The following CLTA variants were observed in gnomAD, a reference collection of about 807,000 sequenced individuals.
The protein encoded by CLTA is clathrin, light polypeptide (Lca).
Under a neutral mutation model 26.9 loss-of-function variants are expected in CLTA, and 9 were observed. The observed-to-expected ratio is 0.33, with a 90% CI of 0.20 to 0.58. The LOEUF (loss-of-function observed/expected upper bound fraction) is 0.58. Among genes scored for constraint, CLTA ranks in the 20% least tolerant of loss-of-function variants. The pLI is 0.85. For missense variants in CLTA, 278 were observed against 294.2 expected (o/e 0.94, Z 0.40); for synonymous variants, 120 against 115.5 (o/e 1.04, Z -0.25).
At chr9:36,202,216 C>T (rs1321205478) in intron 3 of CLTA, among the ~76,000 whole-genome samples, 1 of 152,188 alleles carries the variant, frequency 6.6e-6, no homozygotes, top group African/African-American at 2.4e-5. Context: ...AAATTAGATA[C>T]CGAGATGAAC....
Position 36,198,687 on chromosome 9 carries a change from C to G in CLTA, c.256-292C>G, listed in dbSNP as rs543723328. Among the ~76,000 whole-genome samples, 504 of 148,266 alleles carry G rather than the reference C, an allele frequency of 3.4e-3. 4 individuals are homozygous for G. Among genetic ancestry groups the G allele is most frequent in the African/African-American group, 0.012 (465 of 40,172 alleles). ...CAGAGTAAGACCCTGTCCCGTCCCC[C>G]CTTCCCCCACCCCAGAAAAAAAAAA... is the stretch of plus-strand genomic sequence containing the variant. On this transcript the variant is annotated intron_variant, in intron 2 of 4. Transcript: ENST00000345519.
chr9:36,205,911 C>T (rs1827696427), intron 4 of CLTA, among the ~76,000 whole-genome samples: 2 of 152,000 alleles, frequency 1.3e-5, no homozygotes, highest in Admixed American at 6.6e-5. Context: ...AGGTGCCCGC[C>T]ACCATGCCCA....
intron 4 of CLTA, chr9:36,209,440 G>A (rs367619891): frequency 9.0e-6 from 7 of 776,834 alleles, no homozygotes; most frequent in South Asian, 1.6e-5. Context: ...TTGGCACTTT[G>A]GGGGCTGCCT....
chr9:36,192,723 C>T (rs371203639), intron 1 of CLTA, among the ~76,000 whole-genome samples: 1 of 152,148 alleles, frequency 6.6e-6, no homozygotes, highest in East Asian at 1.9e-4. Context: ...AAACGACTTG[C>T]TTAAAAAAGC....
chr9:36,200,373 A>G (rs1827335947), intron 3 of CLTA, among the ~76,000 whole-genome samples: 1 of 152,214 alleles, frequency 6.6e-6, no homozygotes, highest in Non-Finnish European at 1.5e-5. Context: ...CTACTTTAAG[A>G]TAAAGACATC....
intron 4 of CLTA, among the ~76,000 whole-genome samples, chr9:36,209,962 A>G (rs1286989669): frequency 6.6e-6 from 1 of 152,238 alleles, no homozygotes; most frequent in African/African-American, 2.4e-5. Flanking sequence ...GTCTCCTAGC[A>G]CAGGGAAGCC....
At chr9:36,203,226 T>C (rs1269792370) in intron 3 of CLTA, among the ~76,000 whole-genome samples, 1 of 152,206 alleles carries the variant, frequency 6.6e-6, no homozygotes, top group East Asian at 1.9e-4. Context: ...AGAAACTTCA[T>C]GTTTCATGTT....
intron 4 of CLTA, among the ~76,000 whole-genome samples, chr9:36,206,034 A>G (rs1183814841): frequency 2.6e-5 from 4 of 152,100 alleles, no homozygotes; most frequent in African/African-American, 9.7e-5. Flanking sequence ...TGCTGGGATT[A>G]CAGGCGTGAG....
upstream of CLTA, chr9:36,190,910 G>A (rs879360698): frequency 6.5e-5 from 88 of 1,359,050 alleles, no homozygotes; most frequent in Admixed American, 2.9e-4. Context: ...CCGGATACAC[G>A]GGTAGGGCTT....
At chr9:36,195,790 A>T (rs755391193) in intron 1 of CLTA, among the ~76,000 whole-genome samples, 42 of 151,872 alleles carry the variant, frequency 2.8e-4, no homozygotes, top group Non-Finnish European at 5.1e-4. Flanking sequence ...AACATAGTGA[A>T]ACCTCGTCTC....
In CLTA at chr9:36,198,789, C is replaced by T. The variant is rs187910917; in HGVS notation, c.256-190C>T. 4.6e-3 allele frequency among the ~76,000 whole-genome samples: 682 copies of T among 147,432 alleles called. 1 individual carries two copies. The highest frequency in any genetic ancestry group is 7.3e-3 in the Non-Finnish European group (493 of 67,262). On this transcript the variant is annotated intron_variant, in intron 2 of 4. Transcript: ENST00000345519. ...TCGGGAGGCTGAGGCAGGAGAATTGCTTGAACCCGGGAGGTGGAGGTTGCA... is the reference window on the plus strand; with the variant it reads ...TCGGGAGGCTGAGGCAGGAGAATTGTTTGAACCCGGGAGGTGGAGGTTGCA...
chr9:36,210,258 C>T (rs1446330971), intron 4 of CLTA, among the ~76,000 whole-genome samples: 1 of 152,070 alleles, frequency 6.6e-6, no homozygotes, highest in African/African-American at 2.4e-5. Flanking sequence ...GGAAGGTGGG[C>T]GATGAGCTCA....
intron 3 of CLTA, among the ~76,000 whole-genome samples, chr9:36,201,823 C>A (rs1343611382): frequency 2.0e-5 from 3 of 152,108 alleles, no homozygotes; most frequent in African/African-American, 7.2e-5. Flanking sequence ...TAGATGTTTA[C>A]TGTAGAGGCT....
At chr9:36,195,916 C>G (rs373749632) in intron 1 of CLTA, among the ~76,000 whole-genome samples, 1 of 151,946 alleles carries the variant, frequency 6.6e-6, no homozygotes, top group Non-Finnish European at 1.5e-5. Context: ...TGCAGCAAGC[C>G]GAGATCGCGC....
chr9:36,206,424 G>A (rs752903650), intron 4 of CLTA, among the ~76,000 whole-genome samples: 3 of 151,858 alleles, frequency 2.0e-5, no homozygotes, highest in Admixed American at 2.0e-4. Context: ...TCACTTTGGG[G>A]GACTTCTTCC....
At chr9:36,207,269 A>G (rs1216192707) in intron 4 of CLTA, among the ~76,000 whole-genome samples, 2 of 152,230 alleles carry the variant, frequency 1.3e-5, no homozygotes, top group Non-Finnish European at 2.9e-5. Flanking sequence ...ACAGCCATGG[A>G]AAAGAATTTC....
intron 4 of CLTA, among the ~76,000 whole-genome samples, chr9:36,207,095 G>A (rs1827768450): frequency 6.6e-6 from 1 of 152,144 alleles, no homozygotes; most frequent in Admixed American, 6.6e-5. Flanking sequence ...CCTTCCAGCT[G>A]CCTCACCACT....
At chr9:36,198,487 G>C (rs948950501) in intron 2 of CLTA, among the ~76,000 whole-genome samples, 1 of 148,778 alleles carries the variant, frequency 6.7e-6, no homozygotes, top group Non-Finnish European at 1.5e-5. Context: ...GACCAGCCTG[G>C]CCAACACAGT....
intron 4 of CLTA, chr9:36,210,701 A>T: frequency 6.2e-7 from 1 of 1,612,956 alleles, no homozygotes; most frequent in African/African-American, 1.3e-5. Flanking sequence ...TGTGTGTGCC[A>T]TGAAGTCGCA....
Sources: gnomAD v4.1 joint callset for allele counts (sites outside exome capture counted in the v4.1 genomes callset) on GRCh38, gnomAD v4.1.1 for gene constraint, MANE v1.5 for transcripts, NCBI Gene and HGNC (gene_info 2026-07-23, HGNC 2026-07-21) for gene names.